GPM6A: variants seen among roughly 807,000 people sequenced by gnomAD.
The protein encoded by GPM6A is neuronal membrane glycoprotein M6-a.
Under a neutral mutation model 32.1 loss-of-function variants are expected in GPM6A, and 7 were observed. The ratio of observed to expected loss-of-function variants is 0.22; its 90% confidence interval spans 0.12 to 0.41. The LOEUF (loss-of-function observed/expected upper bound fraction) is 0.41. Ranked by LOEUF, GPM6A falls within the 10% of genes least tolerant of loss-of-function variation. The pLI, the probability that GPM6A is intolerant of heterozygous loss-of-function variation, is 1.00. For synonymous variants in GPM6A, 130 were observed against 123.4 expected (o/e 1.05, Z -0.35); for missense variants, 235 against 347.2 (o/e 0.68, Z 2.57).
In GPM6A at chr4:175,734,153, TATA is replaced by T. The variant is rs772849217; in HGVS notation, c.38-32389_38-32387del. Among the ~76,000 whole-genome samples the T allele has an allele frequency of 3.6e-3, 530 of 147,376 alleles. 5 individuals are homozygous for T. Among genetic ancestry groups the T allele is most frequent in the East Asian group, 0.011 (48 of 4,440 alleles). On this transcript the variant is annotated intron_variant, in intron 1 of 6. Coordinates refer to ENST00000393658, the MANE Select transcript of GPM6A (RefSeq NM_201591.3). ...TTTTTGCCATATATATATATATATA[TATA>T]TATATTTTTTAATTTCAACATCTGA...
At chr4:175,699,420 A>T (rs1429855302) in intron 2 of GPM6A, among the ~76,000 whole-genome samples, 2 of 152,168 alleles carry the variant, frequency 1.3e-5, no homozygotes, top group East Asian at 1.9e-4. Flanking sequence ...TGCTTAAAGG[A>T]TTCAATTTAA....
At chr4:175,976,699 T>C (rs539320812) in intron 1 of GPM6A, among the ~76,000 whole-genome samples, 22 of 152,138 alleles carry the variant, frequency 1.4e-4, no homozygotes, top group Non-Finnish European at 2.8e-4. Flanking sequence ...GAAAGCTCCA[T>C]TGGCCAGGCC....
chr4:175,991,046 A>G (rs1326055255), intron 1 of GPM6A, among the ~76,000 whole-genome samples: 1 of 150,486 alleles, frequency 6.6e-6, no homozygotes, highest in Non-Finnish European at 1.5e-5. Flanking sequence ...CTTCTTTTTA[A>G]ATCTTTCTTT....
At chr4:175,726,283 G>A (rs1746407123) in intron 1 of GPM6A, among the ~76,000 whole-genome samples, 1 of 152,070 alleles carries the variant, frequency 6.6e-6, no homozygotes, top group African/African-American at 2.4e-5. Flanking sequence ...ACAGGCGTGA[G>A]CCACTGCGCC....
intron 1 of GPM6A, among the ~76,000 whole-genome samples, chr4:175,747,130 C>T (rs1046164627): frequency 1.3e-5 from 2 of 151,766 alleles, no homozygotes; most frequent in African/African-American, 4.8e-5. Flanking sequence ...ATTAGCTGGG[C>T]GTGGTGACAC....
chr4:175,659,926 TTAAC>T (rs1317574664), intron 3 of GPM6A, among the ~76,000 whole-genome samples: 1 of 152,152 alleles, frequency 6.6e-6, no homozygotes, highest in Non-Finnish European at 1.5e-5. Flanking sequence ...TTTTGATACA[TTAAC>T]TGATAACTAA....
At chr4:175,827,789 G>A (rs866619023) in intron 1 of GPM6A, among the ~76,000 whole-genome samples, 1 of 152,142 alleles carries the variant, frequency 6.6e-6, no homozygotes, top group Non-Finnish European at 1.5e-5. Flanking sequence ...ATGAGGAAAA[G>A]AATACCTATT....
chr4:175,686,215 G>C (rs558138444), intron 2 of GPM6A, among the ~76,000 whole-genome samples: 1 of 152,166 alleles, frequency 6.6e-6, no homozygotes, highest in Non-Finnish European at 1.5e-5. Flanking sequence ...ACTGTGGTCA[G>C]CTATAAAAAA....
chr4:175,722,691 G>T (rs1010758501), intron 1 of GPM6A, among the ~76,000 whole-genome samples: 22 of 152,086 alleles, frequency 1.4e-4, no homozygotes, highest in Middle Eastern at 3.2e-3. Context: ...ATTATGTTGT[G>T]CATGATGTAC....
At chr4:175,819,905 T>G (rs1222601755) in intron 1 of GPM6A, among the ~76,000 whole-genome samples, 1 of 152,160 alleles carries the variant, frequency 6.6e-6, no homozygotes, top group African/African-American at 2.4e-5. Context: ...GAAGAAATGA[T>G]TCTCATACTC....
intron 1 of GPM6A, among the ~76,000 whole-genome samples, chr4:175,768,062 C>CA (rs1346431925): frequency 2.0e-5 from 3 of 152,028 alleles, no homozygotes; most frequent in Non-Finnish European, 2.9e-5. Context: ...GAAAACACAA[C>CA]AAAATTGGAA....
intron 1 of GPM6A, among the ~76,000 whole-genome samples, chr4:175,824,450 G>T (rs923986828): frequency 6.6e-6 from 1 of 152,094 alleles, no homozygotes; most frequent in South Asian, 2.1e-4. Context: ...CAAATATTAA[G>T]GTAGATGTGA....
chr4:175,865,936 T>C (rs1051580443), intron 1 of GPM6A, among the ~76,000 whole-genome samples: 10 of 152,294 alleles, frequency 6.6e-5, no homozygotes, highest in African/African-American at 2.4e-4. Context: ...ACTGAAACCA[T>C]TTGAACCTAG....
chr4:175,852,484 C>T (rs554162916), intron 1 of GPM6A, among the ~76,000 whole-genome samples: 1 of 152,260 alleles, frequency 6.6e-6, no homozygotes, highest in African/African-American at 2.4e-5. Flanking sequence ...AATTCTAATA[C>T]ATTTCCACTT....
intron 1 of GPM6A, among the ~76,000 whole-genome samples, chr4:175,997,036 G>T (rs943385880): frequency 2.0e-4 from 30 of 151,972 alleles, no homozygotes; most frequent in African/African-American, 6.8e-4. Context: ...CTTCAGGACA[G>T]CCCGAGATAA....
At chr4:175,787,415 T>G in intron 1 of GPM6A, 2 of 1,533,404 alleles carry the variant, frequency 1.3e-6, no homozygotes, top group Admixed American at 2.0e-5. Flanking sequence ...TTCAAGGGCA[T>G]AAGCTCTCTC....
At chr4:175,726,206 G>A (rs1013000258) in intron 1 of GPM6A, among the ~76,000 whole-genome samples, 5 of 150,916 alleles carry the variant, frequency 3.3e-5, no homozygotes, top group African/African-American at 7.3e-5. Context: ...TCACCGTGTT[G>A]GCCAGAATGG....
chr4:175,669,149 A>C (rs767427830), intron 3 of GPM6A, among the ~76,000 whole-genome samples: 45 of 152,244 alleles, frequency 3.0e-4, no homozygotes, highest in Non-Finnish European at 5.6e-4. Flanking sequence ...GTGCCTAACA[A>C]ATATTTCCCA....
At chr4:175,711,437 T>G (rs931033060) in intron 1 of GPM6A, among the ~76,000 whole-genome samples, 1 of 88,076 alleles carries the variant, frequency 1.1e-5, no homozygotes, top group African/African-American at 4.1e-5. Context: ...TATATATATA[T>G]ATATATATAT....
Sources: allele counts gnomAD v4.1 joint callset (sites outside exome capture counted in the v4.1 genomes callset), GRCh38; gene constraint gnomAD v4.1.1; transcripts MANE v1.5; gene names NCBI Gene and HGNC (gene_info 2026-07-23, HGNC 2026-07-21).